The following CDKAL1 variants were observed in gnomAD, a reference collection of about 807,000 sequenced individuals.
The protein encoded by CDKAL1 is CDKAL1 threonylcarbamoyladenosine tRNA methylthiotransferase, also known as threonylcarbamoyladenosine tRNA methylthiotransferase.
Under a neutral mutation model 68.2 loss-of-function variants are expected in CDKAL1, and 32 were observed. The ratio of observed to expected loss-of-function variants is 0.47; its 90% CI spans 0.35 to 0.63. CDKAL1 has a LOEUF of 0.63. CDKAL1 is among the 30% of genes least tolerant of loss of function. CDKAL1 has a pLI of 0.00. For synonymous variants in CDKAL1, 234 were observed against 244.3 expected (o/e 0.96, Z 0.39); for missense variants, 606 against 696.7 (o/e 0.87, Z 1.47).
chr6:20,673,199 G>A (rs1185908558), intron 5 of CDKAL1, among the ~76,000 whole-genome samples: 1 of 152,192 alleles, frequency 6.6e-6, no homozygotes, highest in Non-Finnish European at 1.5e-5. Flanking sequence ...TCTTTTAGCA[G>A]TGTCTTCATG....
chr6:21,111,658 C>T (rs1774126327), intron 13 of CDKAL1, among the ~76,000 whole-genome samples: 1 of 152,170 alleles, frequency 6.6e-6, no homozygotes. Flanking sequence ...GCAAATAAAG[C>T]TAGGAGCAAA....
chr6:20,690,660 A>G (rs976760332), intron 5 of CDKAL1, among the ~76,000 whole-genome samples: 1 of 151,882 alleles, frequency 6.6e-6, no homozygotes, highest in Admixed American at 6.6e-5. Flanking sequence ...TTTTTTGATT[A>G]TTTACTATTT....
At chr6:20,903,515 G>A (rs544655178) in intron 9 of CDKAL1, among the ~76,000 whole-genome samples, 5 of 152,232 alleles carry the variant, frequency 3.3e-5, no homozygotes, top group African/African-American at 9.6e-5. Flanking sequence ...TACCGAAGAA[G>A]GTGAGATGAT....
At chr6:21,013,596 T>G (rs1180986582) in intron 11 of CDKAL1, among the ~76,000 whole-genome samples, 2 of 152,236 alleles carry the variant, frequency 1.3e-5, no homozygotes, top group Non-Finnish European at 2.9e-5. Flanking sequence ...GCCAGCTATA[T>G]TCAACATTCT....
chr6:20,629,323 CTT>C (rs1366182765), intron 4 of CDKAL1, among the ~76,000 whole-genome samples: 1 of 152,104 alleles, frequency 6.6e-6, no homozygotes, highest in Admixed American at 6.5e-5. Flanking sequence ...TAACACCTGA[CTT>C]TGATTTGTCC....
At chr6:21,140,591 TAGGG>T (rs1417944434) in intron 13 of CDKAL1, among the ~76,000 whole-genome samples, 1 of 152,056 alleles carries the variant, frequency 6.6e-6, no homozygotes, top group East Asian at 1.9e-4. Flanking sequence ...TATATGGAAA[TAGGG>T]AGGGTTTGGT....
chr6:21,074,481 A>G (rs758105743), intron 12 of CDKAL1, among the ~76,000 whole-genome samples: 4 of 152,170 alleles, frequency 2.6e-5, no homozygotes, highest in South Asian at 2.1e-4. Flanking sequence ...GGGGGATACA[A>G]TTCAATCCAC....
At chr6:20,657,280 G>T (rs1769069245) in intron 5 of CDKAL1, among the ~76,000 whole-genome samples, 1 of 152,158 alleles carries the variant, frequency 6.6e-6, no homozygotes, top group South Asian at 2.1e-4. Context: ...GTGAGGTAAA[G>T]CTTAGATTCA....
At chr6:20,628,415 T>C (rs1767525221) in intron 4 of CDKAL1, among the ~76,000 whole-genome samples, 1 of 152,194 alleles carries the variant, frequency 6.6e-6, no homozygotes, top group African/African-American at 2.4e-5. Context: ...AAAGTCTGAC[T>C]GTTGTCTCAG....
chr6:20,731,133 G>T (rs1158656493), intron 5 of CDKAL1, among the ~76,000 whole-genome samples: 1 of 152,166 alleles, frequency 6.6e-6, no homozygotes, highest in Non-Finnish European at 1.5e-5. Flanking sequence ...GATAAGGGAA[G>T]GAACGCAGAA....
chr6:21,056,474 G>A (rs193188350), intron 11 of CDKAL1, among the ~76,000 whole-genome samples: 1 of 152,188 alleles, frequency 6.6e-6, no homozygotes, highest in Non-Finnish European at 1.5e-5. Flanking sequence ...TGCAAACAGA[G>A]ACAGTTTGAC....
chr6:20,883,965 C>T (rs1760947508), intron 9 of CDKAL1, among the ~76,000 whole-genome samples: 2 of 152,140 alleles, frequency 1.3e-5, no homozygotes, highest in African/African-American at 2.4e-5. Context: ...GAGGAGAGAA[C>T]ACTTTCTAAC....
intron 11 of CDKAL1, among the ~76,000 whole-genome samples, chr6:21,031,674 A>T (rs1769298913): frequency 6.6e-6 from 1 of 151,856 alleles, no homozygotes; most frequent in African/African-American, 2.4e-5. Flanking sequence ...AACTCGATGG[A>T]GTTGATTGTT....
intron 8 of CDKAL1, among the ~76,000 whole-genome samples, chr6:20,802,708 A>G (rs1488128676): frequency 6.6e-6 from 1 of 152,226 alleles, no homozygotes; most frequent in African/African-American, 2.4e-5. Context: ...ATTTACAGGT[A>G]GTTCAGTAGA....
intron 11 of CDKAL1, among the ~76,000 whole-genome samples, chr6:21,015,395 G>A (rs180695411): frequency 3.3e-5 from 5 of 152,142 alleles, no homozygotes; most frequent in Admixed American, 2.6e-4. Context: ...ACCAAGCATC[G>A]ACTTTTTTAT....
intron 4 of CDKAL1, among the ~76,000 whole-genome samples, chr6:20,635,677 G>T (rs1054679323): frequency 2.6e-5 from 4 of 152,152 alleles, no homozygotes; most frequent in African/African-American, 9.7e-5. Flanking sequence ...CTCTTCTAGT[G>T]GGTCTCCCCA....
intron 11 of CDKAL1, among the ~76,000 whole-genome samples, chr6:21,032,596 G>T (rs187973212): frequency 6.6e-6 from 1 of 152,178 alleles, no homozygotes; most frequent in Admixed American, 6.5e-5. Context: ...ATATGTTGGT[G>T]GTCCCATAAG....
chr6:21,033,669 C>T (rs1185607662), intron 11 of CDKAL1, among the ~76,000 whole-genome samples: 2 of 152,166 alleles, frequency 1.3e-5, no homozygotes, highest in African/African-American at 4.8e-5. Context: ...CTTCCCTGCC[C>T]GCCTAGCTGG....
At chr6:20,700,139 A>G (rs866358713) in intron 5 of CDKAL1, among the ~76,000 whole-genome samples, 1 of 151,890 alleles carries the variant, frequency 6.6e-6, no homozygotes, top group Non-Finnish European at 1.5e-5. Flanking sequence ...TTTACTAACT[A>G]TCAAAACTGA....
Sources: allele counts gnomAD v4.1 joint callset (sites outside exome capture counted in the v4.1 genomes callset), GRCh38; gene constraint gnomAD v4.1.1; transcripts MANE v1.5; gene names NCBI Gene and HGNC (gene_info 2026-07-23, HGNC 2026-07-21).